Variants in ANK2 observed in about 807,000 individuals in gnomAD.
ANK2 encodes ankyrin 2.
In ANK2, 83 loss-of-function variants were observed where a neutral mutation model predicts 360.5. That is an observed-to-expected ratio of 0.23 (90% CI 0.19 to 0.28). The LOEUF is 0.28. Among genes scored for constraint, ANK2 ranks in the 10% least tolerant of loss-of-function variants. The pLI is 1.00. For synonymous variants in ANK2, 1,740 were observed against 1,759.5 expected (o/e 0.99, Z 0.28); for missense variants, 4,201 against 4,795.7 (o/e 0.88, Z 3.66).
At chr4:112,878,788 C>T (rs1196304104) in intron 1 of ANK2, among the ~76,000 whole-genome samples, 3 of 152,114 alleles carry the variant, frequency 2.0e-5, no homozygotes, top group African/African-American at 7.2e-5. Context: ...GCTCCCGCCA[C>T]CACGCCCGGC....
chr4:113,355,614 T>C lies in ANK2; in HGVS notation c.6996T>C (p.Ser2332=), dbSNP rs2154023756. 1.2e-6 allele frequency: 2 copies of C among 1,614,038 alleles called. No homozygotes were observed. The highest frequency in any genetic ancestry group is 1.7e-6 in the Non-Finnish European group (2 of 1,179,960). The change falls in exon 38 of 46, where the codon AGT becomes AGC. Residue 2332 remains serine, a synonymous_variant. Coordinates refer to ENST00000357077, the MANE Select transcript of ANK2 (RefSeq NM_001148.6). ...KRQDDCTGSC[S]VALAKETPTG... The stretch of plus-strand genomic sequence containing the variant: ...AAGATGATTGCACAGGCAGCTGTAG[T>C]GTAGCATTAGCTAAAGAGACACCTA...
chr4:112,909,909 T>C, intron 2 of ANK2, among the ~76,000 whole-genome samples: 1 of 152,240 alleles, frequency 6.6e-6, no homozygotes, highest in Non-Finnish European at 1.5e-5. Flanking sequence ...TACACATTAA[T>C]TGTAATTCTA....
chr4:112,745,793 A>G, the ANK2 span, among the ~76,000 whole-genome samples: 3 of 152,104 alleles, frequency 2.0e-5, no homozygotes, highest in African/African-American at 7.2e-5. Flanking sequence ...CTGGCCTCCC[A>G]AAGTGTTGGG....
chr4:113,336,236 C>A, intron 30 of ANK2, 179 bp downstream of exon 30: 1 of 675,426 alleles, frequency 1.5e-6, no homozygotes, highest in Non-Finnish European at 2.3e-6. Context: ...AAAAATTCAA[C>A]TTATATTTGG....
chr4:112,735,498 T>A, the ANK2 span, among the ~76,000 whole-genome samples: 1 of 152,148 alleles, frequency 6.6e-6, no homozygotes, highest in Non-Finnish European at 1.5e-5. Context: ...TATCTCTTCA[T>A]CTTCCTGTCT....
At chr4:113,139,607 C>CGAT (rs201410874) in intron 1 of ANK2, among the ~76,000 whole-genome samples, 1,749 of 152,228 alleles carry the variant, frequency 0.011, 32 homozygotes, top group African/African-American at 0.039. Flanking sequence ...AAATCCAGTC[C>CGAT]GATGTGATAG....
chr4:112,781,561 TGAAA>T, the ANK2 span, among the ~76,000 whole-genome samples: 1 of 152,128 alleles, frequency 6.6e-6, no homozygotes, highest in Non-Finnish European at 1.5e-5. Context: ...ATTAATACTA[TGAAA>T]GAGATTGTCA....
upstream of ANK2, among the ~76,000 whole-genome samples, chr4:112,813,810 A>G (rs982011967): frequency 6.6e-6 from 1 of 152,334 alleles, no homozygotes; most frequent in East Asian, 1.9e-4. Context: ...TGTTAGGATT[A>G]CAGGCATGAG....
At chr4:112,857,568 T>A (rs906406026) in intron 1 of ANK2, among the ~76,000 whole-genome samples, 1 of 152,220 alleles carries the variant, frequency 6.6e-6, no homozygotes, top group Non-Finnish European at 1.5e-5. Context: ...TTCCGCATCA[T>A]GGATATTCCA....
At chr4:113,249,490 T>C (rs1185838663) in intron 9 of ANK2, among the ~76,000 whole-genome samples, 7 of 152,222 alleles carry the variant, frequency 4.6e-5, no homozygotes, top group African/African-American at 1.7e-4. Flanking sequence ...TTCATTCCAT[T>C]GACCCTCTGT....
rs558126122 is a variant in ANK2 at position 112,952,580 on chromosome 4, A to T, written c.21+48066A>T. ...TTTTATTGTTATCTGTCGTTGGTAC[A>T]TGTTAAGGAAGAGTAATACCATGAT... is the stretch of plus-strand genomic sequence containing the variant. On this transcript the variant is annotated intron_variant, in intron 2 of 30. Transcript: ENST00000503271. Among the ~76,000 whole-genome samples, 7 of 152,324 alleles carry T rather than the reference A, an allele frequency of 4.6e-5. No individual in the cohort carries two copies. The East Asian group carries it at 1.4e-3, about 29-fold the overall frequency.
chr4:112,941,491 G>A (rs1405275552), intron 2 of ANK2, among the ~76,000 whole-genome samples: 2 of 140,512 alleles, frequency 1.4e-5, no homozygotes, highest in Admixed American at 7.2e-5. Flanking sequence ...ATAAATAAAG[G>A]TATGTAAATA....
chr4:112,788,305 G>A, the ANK2 span: 92 of 1,568,752 alleles, frequency 5.9e-5, no homozygotes, highest in South Asian at 4.7e-4. Context: ...TCCTGTGGAC[G>A]AGACGTCCCA....
intron 26 of ANK2, among the ~76,000 whole-genome samples, chr4:113,320,327 G>A (rs879881220): frequency 3.9e-5 from 6 of 152,054 alleles, no homozygotes; most frequent in Non-Finnish European, 5.9e-5. Flanking sequence ...CTCAACTTTT[G>A]CTGTGCATTA....
chr4:113,078,358 C>G (rs1218551249), intron 1 of ANK2, among the ~76,000 whole-genome samples: 1 of 152,166 alleles, frequency 6.6e-6, no homozygotes, highest in Admixed American at 6.5e-5. Flanking sequence ...GCAGCTCTTC[C>G]AGAAGGCAGA....
At chr4:112,784,733 CCCTA>C in the ANK2 span, among the ~76,000 whole-genome samples, 1 of 152,092 alleles carries the variant, frequency 6.6e-6, no homozygotes, top group Admixed American at 6.6e-5. Context: ...CCATTTCTGG[CCCTA>C]CACTTTTAAT....
At chr4:112,912,346 A>G (rs2087901387) in intron 2 of ANK2, among the ~76,000 whole-genome samples, 1 of 152,188 alleles carries the variant, frequency 6.6e-6, no homozygotes. Context: ...CTATGAAAAG[A>G]TGACCAAACC....
intron 18 of ANK2, among the ~76,000 whole-genome samples, chr4:113,283,095 C>T (rs1349154270): frequency 6.6e-6 from 1 of 152,172 alleles, no homozygotes; most frequent in Non-Finnish European, 1.5e-5. Context: ...GGCTTCTTGA[C>T]TTTTCTATGC....
chr4:113,310,278 G>T (rs2079231142), intron 23 of ANK2, among the ~76,000 whole-genome samples: 1 of 152,170 alleles, frequency 6.6e-6, no homozygotes, highest in Admixed American at 6.5e-5. Flanking sequence ...GGCAAATTAG[G>T]AGAAGCAAGA....
Sources: gnomAD v4.1 joint callset for allele counts (sites outside exome capture counted in the v4.1 genomes callset) on GRCh38, gnomAD v4.1.1 for gene constraint, MANE v1.5 for transcripts, NCBI Gene and HGNC (gene_info 2026-07-23, HGNC 2026-07-21) for gene names.